The following EYS variants were observed in gnomAD, a reference collection of about 807,000 sequenced individuals.
EYS encodes EGF-like photoreceptor maintenance factor, also known as protein eyes shut homolog.
In EYS, 250 loss-of-function variants were observed where a neutral mutation model predicts 282.1. The ratio of observed to expected loss-of-function variants is 0.89; its 90% CI spans 0.80 to 0.98. The LOEUF is 0.98. Ranked by LOEUF, EYS falls within the 50% of genes least tolerant of loss-of-function variation. EYS has a pLI of 0.00. For missense variants in EYS, 4,016 were observed against 3,709.0 expected (o/e 1.08, Z -2.15); for synonymous variants, 1,355 against 1,282.9 (o/e 1.06, Z -1.20).
chr6:64,717,975 G>A (rs897190918), intron 22 of EYS, among the ~76,000 whole-genome samples: 1 of 152,182 alleles, frequency 6.6e-6, no homozygotes, highest in African/African-American at 2.4e-5. Context: ...GAGACAGAGT[G>A]TATGTTTGTG....
At chr6:64,446,024 C>T (rs1775105092) in intron 26 of EYS, among the ~76,000 whole-genome samples, 1 of 152,184 alleles carries the variant, frequency 6.6e-6, no homozygotes, top group African/African-American at 2.4e-5. Flanking sequence ...ATCACATGTC[C>T]AAGCTAAAGA....
intron 31 of EYS, among the ~76,000 whole-genome samples, chr6:64,086,748 C>T (rs1772171039): frequency 6.6e-6 from 1 of 151,924 alleles, no homozygotes; most frequent in African/African-American, 2.4e-5. Context: ...TATAGTAAAC[C>T]TAATAATTTG....
At chr6:64,086,305 C>T (rs1158098429) in intron 31 of EYS, among the ~76,000 whole-genome samples, 1 of 152,304 alleles carries the variant, frequency 6.6e-6, no homozygotes, top group East Asian at 1.9e-4. Flanking sequence ...ATTGTTTCAA[C>T]TGAACTGTTG....
At chr6:64,643,121 C>CA (rs1057313960) in intron 22 of EYS, among the ~76,000 whole-genome samples, 2,990 of 74,714 alleles carry the variant, frequency 0.04, 46 homozygotes, top group Non-Finnish European at 0.054. Context: ...ATCCCCCCCC[C>CA]CAAAAAAAAA....
chr6:64,892,171 C>T (rs1251206176), intron 18 of EYS, among the ~76,000 whole-genome samples: 1 of 151,726 alleles, frequency 6.6e-6, no homozygotes, highest in South Asian at 2.1e-4. Flanking sequence ...TTTATAGCCC[C>T]CAAATTAGCC....
chr6:64,285,899 A>T (rs1047503866), intron 30 of EYS, among the ~76,000 whole-genome samples: 1 of 152,200 alleles, frequency 6.6e-6, no homozygotes, highest in Non-Finnish European at 1.5e-5. Flanking sequence ...GGTCCTTTCC[A>T]CAACATGTGG....
intron 28 of EYS, among the ~76,000 whole-genome samples, chr6:64,398,995 T>A (rs1158053014): frequency 6.6e-6 from 1 of 151,836 alleles, no homozygotes; most frequent in African/African-American, 2.4e-5. Context: ...AGGAAGCTAT[T>A]CATTAAATGA....
chr6:65,574,065 G>A (rs897138663), intron 2 of EYS, among the ~76,000 whole-genome samples: 1 of 152,106 alleles, frequency 6.6e-6, no homozygotes, highest in Non-Finnish European at 1.5e-5. Flanking sequence ...GGGAGTCCCT[G>A]CGCCCTAGGC....
chr6:64,374,797 G>C (rs1426030485), intron 29 of EYS, among the ~76,000 whole-genome samples: 1 of 152,166 alleles, frequency 6.6e-6, no homozygotes, highest in African/African-American at 2.4e-5. Flanking sequence ...AGTAGTCCCA[G>C]CTAAGCATAC....
intron 22 of EYS, among the ~76,000 whole-genome samples, chr6:64,642,975 C>T (rs1053890952): frequency 2.6e-5 from 4 of 152,204 alleles, no homozygotes; most frequent in Admixed American, 6.5e-5. Context: ...ATTAGCTGGG[C>T]GTGGTGGCAC....
chr6:65,201,156 A>G (rs1347338172), intron 12 of EYS, among the ~76,000 whole-genome samples: 1 of 152,172 alleles, frequency 6.6e-6, no homozygotes, highest in East Asian at 1.9e-4. Flanking sequence ...TACTATAGGT[A>G]AAATCTTGCT....
chr6:64,698,888 A>T (rs1202883152), intron 22 of EYS, among the ~76,000 whole-genome samples: 2 of 152,194 alleles, frequency 1.3e-5, no homozygotes, highest in African/African-American at 4.8e-5. Flanking sequence ...AGTTAAAATT[A>T]GTTCAACCAT....
At chr6:64,040,396 A>G (rs1770333070) in intron 33 of EYS, among the ~76,000 whole-genome samples, 1 of 152,186 alleles carries the variant, frequency 6.6e-6, no homozygotes, top group African/African-American at 2.4e-5. Context: ...TGTGTATTTG[A>G]TAACTCATTG....
chr6:65,059,281 G>A (rs1177392707), intron 12 of EYS, among the ~76,000 whole-genome samples: 1 of 152,058 alleles, frequency 6.6e-6, no homozygotes, highest in African/African-American at 2.4e-5. Flanking sequence ...TGCAATCAAG[G>A]AGAGAAGCCA....
At chr6:65,654,974 T>A (rs1341489066) in intron 1 of EYS, among the ~76,000 whole-genome samples, 2 of 132,482 alleles carry the variant, frequency 1.5e-5, no homozygotes, top group Non-Finnish European at 3.1e-5. Flanking sequence ...TCTGGGTCAT[T>A]CATTAAAAAA....
At chr6:64,432,529 T>C (rs1438371975) in intron 28 of EYS, among the ~76,000 whole-genome samples, 2 of 150,806 alleles carry the variant, frequency 1.3e-5, no homozygotes, top group East Asian at 3.9e-4. Flanking sequence ...AATTATGTTT[T>C]AGTATATAAT....
intron 22 of EYS, among the ~76,000 whole-genome samples, chr6:64,635,644 T>C (rs909161349): frequency 2.6e-5 from 4 of 152,238 alleles, no homozygotes; most frequent in African/African-American, 9.6e-5. Flanking sequence ...TTGCGTATAT[T>C]GAACCAGCCT....
intron 26 of EYS, among the ~76,000 whole-genome samples, chr6:64,461,796 A>G (rs1775760238): frequency 6.6e-6 from 1 of 152,218 alleles, no homozygotes; most frequent in South Asian, 2.1e-4. Flanking sequence ...ATATGTCTAT[A>G]TAAAAATTGT....
intron 12 of EYS, among the ~76,000 whole-genome samples, chr6:65,280,521 T>C (rs189961958): frequency 1.3e-5 from 2 of 152,256 alleles, no homozygotes; most frequent in East Asian, 3.9e-4. Flanking sequence ...ACTAAGAAAT[T>C]AATGCTGTAT....
Sources: gnomAD v4.1 joint callset for allele counts (sites outside exome capture counted in the v4.1 genomes callset) on GRCh38, gnomAD v4.1.1 for gene constraint, MANE v1.5 for transcripts, NCBI Gene and HGNC (gene_info 2026-07-23, HGNC 2026-07-21) for gene names.